CSPP1: variants seen among roughly 807,000 people sequenced by gnomAD.
The protein encoded by CSPP1 is centrosome and spindle pole-associated protein 1.
A neutral mutation model predicts 164.4 loss-of-function variants in CSPP1; 126 were observed. The ratio of observed to expected loss-of-function variants is 0.77; its 90% confidence interval spans 0.66 to 0.89. The LOEUF is 0.89. CSPP1 is among the 40% of genes least tolerant of loss of function. The pLI is 0.00. For synonymous variants in CSPP1, 472 were observed against 476.7 expected, an observed-to-expected ratio of 0.99 and a Z score of 0.13; for missense variants, 1,395 against 1,449.8, an observed-to-expected ratio of 0.96 and a Z score of 0.61.
chr8:67,106,681 G>A (rs1815607665), intron 9 of CSPP1, among the ~76,000 whole-genome samples: 1 of 152,086 alleles, frequency 6.6e-6, no homozygotes, highest in Non-Finnish European at 1.5e-5. Context: ...GGAGAGACTT[G>A]TTTCTGGTTT....
At chr8:67,136,522 T>C (rs1198309846) in intron 16 of CSPP1, among the ~76,000 whole-genome samples, 3 of 123,446 alleles carry the variant, frequency 2.4e-5, no homozygotes, top group African/African-American at 9.7e-5. Flanking sequence ...TGAGCTGAGA[T>C]CACGCCACTG....
chr8:67,088,896 CAA>C (rs775095024), intron 4 of CSPP1, among the ~76,000 whole-genome samples: 9 of 97,580 alleles, frequency 9.2e-5, no homozygotes, highest in Non-Finnish European at 1.1e-4. Flanking sequence ...GAATCCGTCT[CAA>C]AAAAAAAAAA....
intron 21 of CSPP1, 54 bp from the exon 22 acceptor site, chr8:67,161,745 GTGTGTGTATATA>G: frequency 1.3e-6 from 1 of 793,764 alleles, no homozygotes; most frequent in Non-Finnish European, 2.2e-6. Flanking sequence ...AGGGGTGTGT[GTGTGTGTATATA>G]TGTGTGTGAG....
intron 16 of CSPP1, chr8:67,134,323 G>A (rs1267582938): frequency 1.3e-5 from 2 of 152,200 alleles, no homozygotes; most frequent in East Asian, 3.9e-4. Flanking sequence ...AATGGATATT[G>A]TATTAGCAAG....
chr8:67,117,458 A>G (rs1178856546), intron 13 of CSPP1, among the ~76,000 whole-genome samples: 1 of 152,186 alleles, frequency 6.6e-6, no homozygotes, highest in Non-Finnish European at 1.5e-5. Context: ...TGCCTTTGCC[A>G]TTTTTACTAC....
rs1554626038 is a variant in CSPP1 at position 67,192,074 on chromosome 8, T to TTG, written c.3330+1316_3330+1317insGT. Among the ~76,000 whole-genome samples the TTG allele has an allele frequency of 1.3e-4, 19 of 144,070 alleles. No homozygotes were observed. In the South Asian group the frequency reaches 1.8e-3, roughly 14 times the overall value. The allele number at this position is 144,070 out of a possible 152,430, so 94.5% of individuals were successfully genotyped here. On this transcript the variant is annotated intron_variant, in intron 29 of 30. Coordinates refer to ENST00000678616, the MANE Select transcript of CSPP1 (RefSeq NM_001382391.1). ...AAATCCTTTGCTGATTTGTTTTTTT[T>TTG]TTTGTTTTTTTTTTTTGATACAGAG...
At chr8:67,080,527 A>G (rs1039338964) in intron 3 of CSPP1, among the ~76,000 whole-genome samples, 4 of 152,208 alleles carry the variant, frequency 2.6e-5, no homozygotes, top group African/African-American at 9.6e-5. Flanking sequence ...ACCAAACTTC[A>G]CAGGTTAAGG....
Position 67,163,801 on chromosome 8 carries a change from A to G in CSPP1, c.2710+3A>G. On this transcript the variant is annotated splice_donor_region_variant and intron_variant, in intron 23 of 30. Coordinates refer to ENST00000678616, the MANE Select transcript of CSPP1 (RefSeq NM_001382391.1). Reference sequence around the variant, plus strand: ...GAAAAATCAGCTCCGTGCAGAAGGTAGAGTTAACTACTAAACCTGTTACCT... The same window carrying G: ...GAAAAATCAGCTCCGTGCAGAAGGTGGAGTTAACTACTAAACCTGTTACCT... 1 of 1,604,284 alleles carries G rather than the reference A, an allele frequency of 6.2e-7. No homozygotes were observed.
chr8:67,132,303 C>T (rs1285995209), intron 16 of CSPP1, among the ~76,000 whole-genome samples: 1 of 152,178 alleles, frequency 6.6e-6, no homozygotes, highest in Admixed American at 6.5e-5. Context: ...GATATTTAAG[C>T]TGCATGTTGT....
intron 24 of CSPP1, among the ~76,000 whole-genome samples, chr8:67,165,013 G>C (rs1320045140): frequency 6.6e-6 from 1 of 152,218 alleles, no homozygotes; most frequent in Non-Finnish European, 1.5e-5. Context: ...GCTGGGTGCA[G>C]TTGCTCACGC....
At chr8:67,189,935 A>G (rs1320304396) in intron 28 of CSPP1, among the ~76,000 whole-genome samples, 1 of 152,186 alleles carries the variant, frequency 6.6e-6, no homozygotes, top group East Asian at 1.9e-4. Context: ...GAATGATTAT[A>G]AGCAAAAAGA....
chr8:67,151,954 G>C (rs1278902318), intron 18 of CSPP1, among the ~76,000 whole-genome samples: 1 of 151,974 alleles, frequency 6.6e-6, no homozygotes, highest in East Asian at 1.9e-4. Context: ...TGGGCGTGGT[G>C]GCATGTGCCT....
chr8:67,158,404 T>C, intron 19 of CSPP1, 43 bp from the exon 20 acceptor site: 5 of 1,504,526 alleles, frequency 3.3e-6, no homozygotes, highest in Non-Finnish European at 1.8e-6. Flanking sequence ...ATTCTAACTT[T>C]TCAATAGTTT....
chr8:67,109,919 T>C (rs1239465809), intron 9 of CSPP1, among the ~76,000 whole-genome samples: 1 of 152,144 alleles, frequency 6.6e-6, no homozygotes, highest in Admixed American at 6.6e-5. Context: ...AGTAAAGCTG[T>C]CTGTGCTACT....
chr8:67,117,713 C>G (rs906312065), intron 13 of CSPP1, among the ~76,000 whole-genome samples: 3 of 152,246 alleles, frequency 2.0e-5, no homozygotes, highest in South Asian at 2.1e-4. Flanking sequence ...ATTGTCCTTC[C>G]TCTAACACAC....
chr8:67,102,461 G>A lies in CSPP1; in HGVS notation c.924-576G>A, dbSNP rs533717673. The stretch of plus-strand genomic sequence containing the variant: ...AAAAATTAGCCAGGTATGGTGGTGC[G>A]CGCCTATAGTCCCAGCTACTTGGGA... On this transcript the variant is annotated intron_variant, in intron 7 of 30. Transcript: ENST00000678616. Among the ~76,000 whole-genome samples, 41 of 152,094 alleles carry A rather than the reference G, an allele frequency of 2.7e-4. No individual in the cohort carries two copies. In the East Asian group the frequency reaches 3.9e-3, roughly 14 times the overall value.
At chr8:67,121,671 T>C (rs1286073987) in intron 15 of CSPP1, among the ~76,000 whole-genome samples, 3 of 152,214 alleles carry the variant, frequency 2.0e-5, no homozygotes, top group Non-Finnish European at 4.4e-5. Flanking sequence ...GTTGGGCTTA[T>C]AGAAGGAATT....
intron 9 of CSPP1, among the ~76,000 whole-genome samples, chr8:67,107,983 G>GTTTTTTTTTTTTTTTTTTTTTTTTT (rs34204898): frequency 1.6e-5 from 2 of 127,158 alleles, no homozygotes; most frequent in African/African-American, 3.0e-5. Context: ...CTTTGACAAA[G>GTTTTTTTTTTTTTTTTTTTTTTTTT]TTTTTTTTTT....
At chr8:67,185,723 G>C (rs1834381064) in intron 28 of CSPP1, among the ~76,000 whole-genome samples, 1 of 152,086 alleles carries the variant, frequency 6.6e-6, no homozygotes, top group African/African-American at 2.4e-5. Context: ...AAAACTTGCT[G>C]CTGCTGAAGA....
Sources: allele counts gnomAD v4.1 joint callset (sites outside exome capture counted in the v4.1 genomes callset), GRCh38; gene constraint gnomAD v4.1.1; transcripts MANE v1.5; gene names NCBI Gene and HGNC (gene_info 2026-07-23, HGNC 2026-07-21).